Variants in DLG2 observed in about 807,000 individuals in gnomAD.
DLG2 encodes the protein disks large homolog 2.
In DLG2, 45 loss-of-function variants were observed where a neutral mutation model predicts 132.5. That is an observed-to-expected ratio of 0.34 (90% confidence interval 0.27 to 0.44). The LOEUF is 0.44. DLG2 is among the 20% of genes least tolerant of loss of function. The pLI is 1.00. For synonymous variants in DLG2, 424 were observed against 419.6 expected (o/e 1.01, Z -0.13); for missense variants, 1,045 against 1,196.9 (o/e 0.87, Z 1.87).
intron 18 of DLG2, among the ~76,000 whole-genome samples, chr11:83,723,640 A>G (rs1179821476): frequency 6.6e-6 from 1 of 152,148 alleles, no homozygotes; most frequent in Non-Finnish European, 1.5e-5. Context: ...GGATCACCCG[A>G]GGTCAGGAGT....
chr11:85,612,213 AGCCCGAAAGCACTG>A (rs2081055825), intron 2 of DLG2, among the ~76,000 whole-genome samples: 1 of 152,260 alleles, frequency 6.6e-6, no homozygotes, highest in African/African-American at 2.4e-5. Context: ...ACAAGGGCAT[AGCCCGAAAGCACTG>A]AGGCCACTGA....
intron 6 of DLG2, among the ~76,000 whole-genome samples, chr11:84,868,485 C>T (rs184807257): frequency 2.4e-4 from 37 of 152,170 alleles, no homozygotes; most frequent in South Asian, 4.1e-4. Flanking sequence ...AAGTCTATTT[C>T]GTAACCAGAG....
intron 4 of DLG2, among the ~76,000 whole-genome samples, chr11:85,226,341 C>T (rs1262783682): frequency 1.3e-5 from 2 of 151,774 alleles, no homozygotes; most frequent in East Asian, 3.9e-4. Flanking sequence ...ATAAGACAAA[C>T]CAGGATGTTG....
chr11:84,497,460 C>T (rs897247794), intron 7 of DLG2, among the ~76,000 whole-genome samples: 22 of 152,010 alleles, frequency 1.4e-4, no homozygotes, highest in Non-Finnish European at 7.4e-5. Flanking sequence ...ATCCCACTAT[C>T]CAATCAGAAA....
intron 6 of DLG2, among the ~76,000 whole-genome samples, chr11:84,551,774 T>C (rs947153199): frequency 6.6e-6 from 1 of 152,188 alleles, no homozygotes; most frequent in African/African-American, 2.4e-5. Flanking sequence ...GATACTTTGG[T>C]CCTTTGGTTT....
chr11:83,521,596 C>A (rs1403520849), intron 21 of DLG2, among the ~76,000 whole-genome samples: 1 of 152,140 alleles, frequency 6.6e-6, no homozygotes, highest in Non-Finnish European at 1.5e-5. Context: ...AGCATACATA[C>A]AATTTTAATT....
chr11:84,726,449 CT>C (rs1205193443), intron 6 of DLG2, among the ~76,000 whole-genome samples: 3 of 151,988 alleles, frequency 2.0e-5, no homozygotes, highest in African/African-American at 7.2e-5. Context: ...TAAAGTCACC[CT>C]TTTTATGGCT....
chr11:83,970,469 T>C (rs1811964331), intron 12 of DLG2, among the ~76,000 whole-genome samples: 1 of 152,162 alleles, frequency 6.6e-6, no homozygotes, highest in African/African-American at 2.4e-5. Context: ...ATTTGGTGAC[T>C]GAAATATTGA....
chr11:83,871,869 TA>T (rs769952898), intron 16 of DLG2, among the ~76,000 whole-genome samples: 1 of 152,222 alleles, frequency 6.6e-6, no homozygotes, highest in Non-Finnish European at 1.5e-5. Flanking sequence ...ATCTAGCCTA[TA>T]AAAATAAATT....
intron 6 of DLG2, among the ~76,000 whole-genome samples, chr11:84,689,221 G>C (rs1429567291): frequency 1.3e-5 from 2 of 151,970 alleles, no homozygotes; most frequent in African/African-American, 2.4e-5. Flanking sequence ...ATCATTTTGT[G>C]ACATTTACTA....
intron 6 of DLG2, among the ~76,000 whole-genome samples, chr11:85,108,324 T>A (rs1050416049): frequency 4.6e-5 from 7 of 152,048 alleles, no homozygotes; most frequent in Non-Finnish European, 1.0e-4. Context: ...TATACAAGGA[T>A]AATAGAGACT....
chr11:84,348,323 G>A (rs2098547872), intron 7 of DLG2, among the ~76,000 whole-genome samples: 1 of 152,068 alleles, frequency 6.6e-6, no homozygotes, highest in Non-Finnish European at 1.5e-5. Context: ...ATTTGCCAAA[G>A]GTCAGGCAGT....
intron 9 of DLG2, among the ~76,000 whole-genome samples, chr11:84,127,655 A>G (rs562385579): frequency 6.6e-6 from 1 of 152,220 alleles, no homozygotes; most frequent in Non-Finnish European, 1.5e-5. Context: ...GGCTGCCTCC[A>G]ACTCCTGGGC....
rs149603795 is a variant in DLG2 at position 85,024,936 on chromosome 11, G to A, written c.357+86725C>T. On this transcript the variant is annotated intron_variant, in intron 6 of 27. Coordinates refer to ENST00000376104, the MANE Select transcript of DLG2 (RefSeq NM_001142699.3). ...ATCAGTAAGTAGATAAATAAGGAAA[G>A]TTAGAAAGTAGAATATTCCATTGAT... 2.9e-3 allele frequency among the ~76,000 whole-genome samples: 438 copies of A among 152,268 alleles called. 1 individual carries two copies. The highest frequency in any genetic ancestry group is 6.5e-3 in the African/African-American group (270 of 41,548).
At position 83,795,372 on chromosome 11, in the gene DLG2, C is replaced by G. The variant is rs191048998; in HGVS notation, c.1723-8580G>C. ...GCAGTGAGCTGAGATCGTGCCACTG[C>G]ACTCCAGCCTGGGGGACAGAGTGAG... On this transcript the variant is annotated intron_variant, in intron 17 of 27. Coordinates refer to ENST00000376104, the MANE Select transcript of DLG2 (RefSeq NM_001142699.3). 1.2e-3 allele frequency among the ~76,000 whole-genome samples: 177 copies of G among 151,862 alleles called. 2 individuals are homozygous for G. The East Asian group carries it at 0.028, about 24-fold the overall frequency.
chr11:84,167,997 T>C (rs963304894), intron 8 of DLG2, among the ~76,000 whole-genome samples: 1 of 152,224 alleles, frequency 6.6e-6, no homozygotes, highest in African/African-American at 2.4e-5. Context: ...TATCTCTGTG[T>C]CACATATTAT....
At chr11:83,599,586 C>T (rs1011248364) in intron 19 of DLG2, among the ~76,000 whole-genome samples, 1 of 152,262 alleles carries the variant, frequency 6.6e-6, no homozygotes, top group East Asian at 1.9e-4. Context: ...TTCTTTGTGA[C>T]ACCATGGGGC....
At chr11:83,545,825 C>T (rs2116483) in intron 19 of DLG2, among the ~76,000 whole-genome samples, 99,995 of 151,894 alleles carry the variant, frequency 0.66, 33,433 homozygotes, top group Middle Eastern at 0.75. Flanking sequence ...GTCCCTAAAA[C>T]CAAGCAGCTG....
At chr11:84,292,553 C>T (rs2098018196) in intron 7 of DLG2, among the ~76,000 whole-genome samples, 1 of 152,120 alleles carries the variant, frequency 6.6e-6, no homozygotes, top group Non-Finnish European at 1.5e-5. Flanking sequence ...TGGCTGCCTA[C>T]CATAGCCAAT....
Sources: allele counts gnomAD v4.1 joint callset (sites outside exome capture counted in the v4.1 genomes callset), GRCh38; gene constraint gnomAD v4.1.1; transcripts MANE v1.5; gene names NCBI Gene and HGNC (gene_info 2026-07-23, HGNC 2026-07-21).